The following ASAH2 variants were observed in gnomAD, a reference collection of about 807,000 sequenced individuals.
ASAH2 encodes the protein N-acylsphingosine amidohydrolase 2.
ASAH2 carries 58 observed loss-of-function variants against 82.9 expected under a neutral mutation model. The observed-to-expected ratio is 0.70, with a 90% CI of 0.57 to 0.87. The LOEUF (loss-of-function observed/expected upper bound fraction) is 0.87, where lower values mean the gene tolerates loss of function less well. Among genes scored for constraint, ASAH2 ranks in the 40% least tolerant of loss-of-function variants. The pLI, the probability that ASAH2 is intolerant of heterozygous loss-of-function variation, is 0.00. For synonymous variants in ASAH2, 276 were observed against 289.7 expected (o/e 0.95, Z 0.48); for missense variants, 779 against 834.0 (o/e 0.93, Z 0.81).
chr10:50,247,260 C>T (rs1419103787), intron 2 of ASAH2, among the ~76,000 whole-genome samples: 5 of 151,822 alleles, frequency 3.3e-5, no homozygotes, highest in Non-Finnish European at 7.4e-5. Flanking sequence ...TCAAGCGATT[C>T]TCCTGCCTTG....
intron 12 of ASAH2, among the ~76,000 whole-genome samples, chr10:50,210,588 A>G (rs920369771): frequency 2.0e-5 from 3 of 152,194 alleles, no homozygotes; most frequent in Admixed American, 6.6e-5. Flanking sequence ...CACATATTAT[A>G]TGATTCCATT....
At chr10:50,199,023 C>A in intron 17 of ASAH2, 28 bp downstream of exon 17, 1 of 1,607,900 alleles carries the variant, frequency 6.2e-7, no homozygotes. Flanking sequence ...CGCACGCGCG[C>A]ATGCACGCAC....
intron 12 of ASAH2, 109 bp from the exon 13 acceptor site, chr10:50,206,206 ATTGAGGTTG>A (rs1233485334): frequency 9.6e-5 from 83 of 864,910 alleles, no homozygotes; most frequent in Admixed American, 6.0e-4. Context: ...CAGAGATTTT[ATTGAGGTTG>A]TTGTTCAATG....
chr10:50,217,396 G>A (rs1054588692), intron 8 of ASAH2, among the ~76,000 whole-genome samples: 2 of 151,690 alleles, frequency 1.3e-5, no homozygotes, highest in African/African-American at 4.8e-5. Context: ...CCCGATTAAT[G>A]TTTTGTATTT....
intron 7 of ASAH2, among the ~76,000 whole-genome samples, chr10:50,231,810 T>G (rs1846028311): frequency 6.6e-6 from 1 of 152,210 alleles, no homozygotes; most frequent in South Asian, 2.1e-4. Flanking sequence ...AGCATTCTAA[T>G]ATGCTGGTAA....
intron 4 of ASAH2, among the ~76,000 whole-genome samples, chr10:50,240,702 C>G (rs1231658238): frequency 6.6e-6 from 1 of 152,192 alleles, no homozygotes; most frequent in Admixed American, 6.5e-5. Context: ...TCCTTTGTGC[C>G]TCTCTGTGTT....
intron 4 of ASAH2, 101 bp downstream of exon 4, chr10:50,243,101 C>G: frequency 7.3e-7 from 1 of 1,376,100 alleles, no homozygotes; most frequent in Non-Finnish European, 1.0e-6. Flanking sequence ...AATAGAATTT[C>G]ACTGAATGAG....
rs202096152 is a variant in ASAH2, at chr10:50,248,633, T to A, written c.-23A>T. 1.5e-4 allele frequency: 235 copies of A among 1,606,452 alleles called. No individual in the cohort carries two copies. The highest frequency in any genetic ancestry group is 3.8e-4 in the Admixed American group (22 of 58,558). The stretch of plus-strand genomic sequence containing the variant: ...CATTTCTTCTCAGGTACAGCAGAGA[T>A]GGAAGAAGAAATACTGAAGAGGAAG... On this transcript the variant is annotated 5_prime_UTR_variant, in exon 2 of 21. Coordinates refer to ENST00000682911, the MANE Select transcript of ASAH2 (RefSeq NM_019893.4).
intron 12 of ASAH2, among the ~76,000 whole-genome samples, chr10:50,208,694 G>A (rs987895439): frequency 3.3e-4 from 50 of 151,992 alleles, no homozygotes; most frequent in African/African-American, 1.1e-3. Context: ...ATCTATGTAC[G>A]TGGATCAGAT....
chr10:50,230,340 G>T (rs1845990690), intron 7 of ASAH2, among the ~76,000 whole-genome samples: 1 of 152,138 alleles, frequency 6.6e-6, no homozygotes, highest in South Asian at 2.1e-4. Context: ...TCTGCTGAAG[G>T]TTAAACTAGG....
chr10:50,249,808 A>T (rs1013768588), intron 1 of ASAH2, among the ~76,000 whole-genome samples: 4 of 152,214 alleles, frequency 2.6e-5, no homozygotes, highest in Non-Finnish European at 5.9e-5. Flanking sequence ...GATTGGAATC[A>T]CAGGTGGGAC....
intron 7 of ASAH2, among the ~76,000 whole-genome samples, chr10:50,225,181 TC>T (rs1280416930): frequency 6.6e-6 from 1 of 152,196 alleles, no homozygotes; most frequent in Non-Finnish European, 1.5e-5. Flanking sequence ...ATGCCTTTAG[TC>T]CCAGCACTTT....
intron 16 of ASAH2, among the ~76,000 whole-genome samples, chr10:50,200,619 T>C (rs1283253574): frequency 6.6e-6 from 1 of 151,956 alleles, no homozygotes; most frequent in Non-Finnish European, 1.5e-5. Flanking sequence ...TTCATGGAAA[T>C]GTAATCATCT....
rs1396444151 is a variant in ASAH2, at chr10:50,199,214, T to C, written c.1762-68A>G. ...TAAATCCATTTACAGAGGTGTAGCA[T>C]TTTGGGTAAGTGTGATGCTTGACAT... is the stretch of plus-strand genomic sequence containing the variant. On this transcript the variant is annotated intron_variant, in intron 16 of 20. Transcript: ENST00000682911. 1.4e-5 allele frequency: 21 copies of C among 1,554,942 alleles called. 1 individual carries two copies. The highest frequency in any genetic ancestry group is 1.5e-5 in the Non-Finnish European group (17 of 1,127,954).
chr10:50,238,768 A>C (rs200934185), intron 4 of ASAH2, among the ~76,000 whole-genome samples: 1 of 151,984 alleles, frequency 6.6e-6, no homozygotes, highest in Non-Finnish European at 1.5e-5. Flanking sequence ...GCATTTCTTC[A>C]TGTCTACTCA....
chr10:50,195,904 G>T (rs1477894877), intron 18 of ASAH2, among the ~76,000 whole-genome samples: 3 of 151,890 alleles, frequency 2.0e-5, no homozygotes, highest in East Asian at 1.9e-4. Flanking sequence ...GGGCTAGGAG[G>T]TTAGGGGGTT....
intron 9 of ASAH2, among the ~76,000 whole-genome samples, chr10:50,213,314 T>C (rs924270975): frequency 6.6e-6 from 1 of 152,176 alleles, no homozygotes; most frequent in Admixed American, 6.6e-5. Context: ...AAAAGATGTG[T>C]TGCTGATTAT....
Position 50,248,578 on chromosome 10 carries a change from T to G in ASAH2, c.33A>C (p.Thr11=), listed in dbSNP as rs368446245. The G allele has an allele frequency of 1.5e-5, 24 of 1,613,610 alleles. No individual in the cohort carries two copies. The highest frequency in any genetic ancestry group is 2.0e-5 in the Non-Finnish European group (24 of 1,179,646). Residue 11 remains threonine, a synonymous_variant, in exon 2 of 21, where the codon ACA becomes ACC. Coordinates refer to ENST00000682911, the MANE Select transcript of ASAH2 (RefSeq NM_019893.4). The part of the protein sequence containing the change: MAKRTFSNLE[T]FLIFLLVMMS... The stretch of plus-strand genomic sequence containing the variant: ...TCATTACAAGGAGGAAAATCAGGAA[T>G]GTCTCCAAGTTAGAGAAGGTGCGTT...
At chr10:50,195,282 T>C (rs1234494212) in intron 18 of ASAH2, among the ~76,000 whole-genome samples, 6 of 151,504 alleles carry the variant, frequency 4.0e-5, no homozygotes, top group African/African-American at 1.2e-4. Flanking sequence ...CTCAACAGGG[T>C]ATTTTTTTAA....
Sources: allele counts gnomAD v4.1 joint callset (sites outside exome capture counted in the v4.1 genomes callset), GRCh38; gene constraint gnomAD v4.1.1; transcripts MANE v1.5; gene names NCBI Gene and HGNC (gene_info 2026-07-23, HGNC 2026-07-21).